Variants in ST3GAL4 observed in about 807,000 individuals in gnomAD.
ST3GAL4 encodes ST3 beta-galactoside alpha-2,3-sialyltransferase 4, also known as CMP-N-acetylneuraminate-beta-galactosamide-alpha-2,3-sialyltransferase 4.
Under a neutral mutation model 42.6 loss-of-function variants are expected in ST3GAL4, and 24 were observed. The ratio of observed to expected loss-of-function variants is 0.56; its 90% CI spans 0.41 to 0.79. The LOEUF is 0.79. Among genes scored for constraint, ST3GAL4 ranks in the 30% least tolerant of loss-of-function variants. ST3GAL4 has a pLI of 0.00. For synonymous variants in ST3GAL4, 135 were observed against 163.2 expected, an observed-to-expected ratio of 0.83 and a Z score of 1.32; for missense variants, 311 against 430.8, an observed-to-expected ratio of 0.72 and a Z score of 2.46.
rs2230278 is a variant in ST3GAL4, at chr11:126,407,321, C to T, written c.252C>T (p.Tyr84=). 0.31 allele frequency: 501,287 copies of T among 1,613,722 alleles called. 79,495 individuals carry two copies. Among genetic ancestry groups the T allele is most frequent in the East Asian group, 0.48 (21,486 of 44,872 alleles). ...DYFWVKTPSA[Y]ELPYGTKGSE... Reference sequence around the variant, plus strand: ...TCTGGGTCAAGACGCCATCTGCTTACGAGCTGCCCTATGGGACCAAGGGGA... The same window carrying T: ...TCTGGGTCAAGACGCCATCTGCTTATGAGCTGCCCTATGGGACCAAGGGGA... The change falls in exon 5 of 11, where the codon TAC becomes TAT. Residue 84 remains tyrosine, a synonymous_variant. Transcript: ENST00000444328.
intron 1 of ST3GAL4, among the ~76,000 whole-genome samples, chr11:126,357,417 G>C (rs1321948895): frequency 1.3e-5 from 2 of 152,190 alleles, no homozygotes; most frequent in Non-Finnish European, 2.9e-5. Context: ...ACTTTGGGCA[G>C]AGTGGGTGTC....
Position 126,369,991 on chromosome 11 carries a change from A to G in ST3GAL4, c.-61+14149A>G, listed in dbSNP as rs114451775. Reference sequence around the variant, plus strand: ...ATCAGCATGCATCGATTTGCATCCTATTTTTCACAGCTGCATAGTGTTTCG... The same window carrying G: ...ATCAGCATGCATCGATTTGCATCCTGTTTTTCACAGCTGCATAGTGTTTCG... On this transcript the variant is annotated intron_variant, in intron 1 of 10. Transcript: ENST00000444328. Among the ~76,000 whole-genome samples, 792 of 152,230 alleles carry G rather than the reference A, an allele frequency of 5.2e-3. 9 individuals carry two copies. The highest frequency in any genetic ancestry group is 0.017 in the African/African-American group (714 of 41,550).
At chr11:126,382,889 G>T (rs1278806532) in intron 1 of ST3GAL4, among the ~76,000 whole-genome samples, 1 of 152,270 alleles carries the variant, frequency 6.6e-6, no homozygotes, top group Non-Finnish European at 1.5e-5. Flanking sequence ...CAGGGCTTGA[G>T]CCCAGAAAGT....
In ST3GAL4 at chr11:126,383,960, G is replaced by A. The variant is rs553960784; in HGVS notation, c.-60-22136G>A. On this transcript the variant is annotated intron_variant, in intron 1 of 10. Transcript: ENST00000444328. This position sits in a 1 kb window ranked among gnomAD's most constrained non-coding sequence, Gnocchi z 4.5. The stretch of plus-strand genomic sequence containing the variant: ...TGGGGACAGGCTGCTGCAGGGTGGA[G>A]GGCTTGCTTTTCCTGCCCACCCTCA... Among the ~76,000 whole-genome samples the A allele has an allele frequency of 1.3e-5, 2 of 152,302 alleles. No homozygotes were observed. Among genetic ancestry groups the A allele is most frequent in the East Asian group, 1.9e-4 (1 of 5,180 alleles).
At position 126,409,367 on chromosome 11, in the gene ST3GAL4, A is replaced by G; in HGVS notation, c.727A>G (p.Lys243Glu). 2.5e-6 allele frequency: 4 copies of G among 1,614,220 alleles called. No homozygotes were observed. The East Asian group carries it at 6.7e-5, about 27-fold the overall frequency. Residue 243 changes from lysine (K) to glutamate (E), a missense_variant, in exon 9 of 11, where the codon AAA becomes GAA. Physicochemically the swap from Lys to Glu is moderately conservative, Grantham distance 56. Coordinates refer to ENST00000444328, the MANE Select transcript of ST3GAL4 (RefSeq NM_001254757.2). This position sits in a 1 kb window ranked among gnomAD's most constrained non-coding sequence, Gnocchi z 4.9. ...NPFFMEIAAD[K>E]LLSLPMQQPR... is the part of the protein sequence containing the mutation. ...CTTCTTCATGGAGATTGCAGCTGAC[A>G]AACTGCTGAGCCTGCCAATGCAACA... is the stretch of plus-strand genomic sequence containing the variant.
At position 126,398,502 on chromosome 11, in the gene ST3GAL4, C is replaced by A. The variant is rs769966395; in HGVS notation, c.-60-7594C>A. 2.0e-5 allele frequency among the ~76,000 whole-genome samples: 3 copies of A among 152,222 alleles called. No homozygotes were observed. Among genetic ancestry groups the A allele is most frequent in the Non-Finnish European group, 4.4e-5 (3 of 68,034 alleles). On this transcript the variant is annotated intron_variant, in intron 1 of 10. Transcript: ENST00000444328. This position sits in a 1 kb window ranked among gnomAD's most constrained non-coding sequence, Gnocchi z 4.7. ...GTTGGAGTCTCATGCTTGCAGCTCC[C>A]CCAGGTTGCTGTTGCACACTGGTAG...
At chr11:126,389,557 A>C (rs1296229936) in intron 1 of ST3GAL4, among the ~76,000 whole-genome samples, 1 of 151,984 alleles carries the variant, frequency 6.6e-6, no homozygotes, top group African/African-American at 2.4e-5. Context: ...TTTAAACATA[A>C]GTTTTTACTT....
chr11:126,398,395 G>A lies in ST3GAL4; in HGVS notation c.-60-7701G>A, dbSNP rs1953866947. 6.6e-6 allele frequency among the ~76,000 whole-genome samples: 1 copy of A among 152,240 alleles called. No individual in the cohort carries two copies. The highest frequency in any genetic ancestry group is 6.5e-5 in the Admixed American group (1 of 15,290). On this transcript the variant is annotated intron_variant, in intron 1 of 10. Coordinates refer to ENST00000444328, the MANE Select transcript of ST3GAL4 (RefSeq NM_001254757.2). The surrounding 1 kb of genome is among the most constrained non-coding windows in gnomAD (Gnocchi z 4.7). ...TGTCCTGCCTTCCAGACACACTCGG[G>A]TAGGGACTTGGGCCCCCAAGGCCTC...
intron 8 of ST3GAL4, 124 bp downstream of exon 8, chr11:126,408,620 G>C: frequency 1.6e-6 from 2 of 1,232,406 alleles, no homozygotes. Flanking sequence ...AGCATGAACC[G>C]GGCTCCCGGA....
Position 126,408,180 on chromosome 11 carries a change from C to T in ST3GAL4, c.423C>T (p.Tyr141=), listed in dbSNP as rs2230279. Residue 141 remains tyrosine (Y), a synonymous_variant, in exon 7 of 11, where the codon TAC becomes TAT. Coordinates refer to ENST00000444328, the MANE Select transcript of ST3GAL4 (RefSeq NM_001254757.2). The part of the protein sequence containing the change: ...NSSLGDAINK[Y]DVVIRLNNAP... ...CACTGGGAGATGCCATCAACAAGTACGATGTGGTCATCAGGTGTGTGTGAC... is the reference window on the plus strand; with the variant it reads ...CACTGGGAGATGCCATCAACAAGTATGATGTGGTCATCAGGTGTGTGTGAC... 498,386 of 1,613,724 alleles carry T rather than the reference C, an allele frequency of 0.31. 78,523 individuals carry two copies. The highest frequency in any genetic ancestry group is 0.47 in the East Asian group (21,281 of 44,840).
chr11:126,373,030 T>C lies in ST3GAL4; in HGVS notation c.-61+17188T>C, dbSNP rs1294021307. ...TCTCATTGTTTCGTGGGAATACTGA[T>C]ATTATATATTCAAGTATTTGTTGAT... On this transcript the variant is annotated intron_variant, in intron 1 of 10. Transcript: ENST00000444328. The surrounding 1 kb of genome is among the most constrained non-coding windows in gnomAD (Gnocchi z 5.5). Among the ~76,000 whole-genome samples the C allele has an allele frequency of 6.6e-6, 1 of 152,234 alleles. No individual in the cohort carries two copies. Among genetic ancestry groups the C allele is most frequent in the Non-Finnish European group, 1.5e-5 (1 of 68,046 alleles).
intron 1 of ST3GAL4, among the ~76,000 whole-genome samples, chr11:126,401,161 C>T (rs955927062): frequency 5.9e-5 from 9 of 151,886 alleles, no homozygotes; most frequent in East Asian, 1.9e-4. Context: ...ATAAAGAGCT[C>T]GAATCATCAG....
chr11:126,414,221 T>C lies in ST3GAL4; in HGVS notation c.*174T>C, dbSNP rs1954647060. 1 of 651,162 alleles carries C rather than the reference T, an allele frequency of 1.5e-6. No individual in the cohort carries two copies. Among genetic ancestry groups the C allele is most frequent in the African/African-American group, 1.8e-5 (1 of 55,746 alleles). The allele number at this position is 651,162 out of a possible 1,614,324, so 40.3% of individuals were successfully genotyped here. ...GAGGCCATGCCCCTGGCTGCTCTTA[T>C]GGAGCCGAGATCCAGTCAGGGTGGG... On this transcript the variant is annotated 3_prime_UTR_variant, in exon 11 of 11. Coordinates refer to ENST00000444328, the MANE Select transcript of ST3GAL4 (RefSeq NM_001254757.2).
chr11:126,380,945 C>T (rs1398620614), intron 1 of ST3GAL4, among the ~76,000 whole-genome samples: 2 of 152,208 alleles, frequency 1.3e-5, no homozygotes, highest in Admixed American at 6.5e-5. Flanking sequence ...TGGGCTGATG[C>T]GTGCATTTCT....
At chr11:126,372,307 A>G (rs1952685006) in intron 1 of ST3GAL4, among the ~76,000 whole-genome samples, 1 of 152,096 alleles carries the variant, frequency 6.6e-6, no homozygotes, top group Non-Finnish European at 1.5e-5. Flanking sequence ...AAGTGGAATG[A>G]TACAGTATTT....
intron 9 of ST3GAL4, among the ~76,000 whole-genome samples, chr11:126,412,678 T>TA (rs1565430449): frequency 1.3e-5 from 2 of 152,222 alleles, no homozygotes; most frequent in East Asian, 3.9e-4. Context: ...CCCATCTCTT[T>TA]AAAAAAATAG....
At position 126,396,644 on chromosome 11, in the gene ST3GAL4, G is replaced by A. The variant is rs1953779162; in HGVS notation, c.-60-9452G>A. The stretch of plus-strand genomic sequence containing the variant: ...CTTGAGACCCCTTCCCCTAATTGCT[G>A]TGTAGGGCAGGGGTGGACATCCCGG... On this transcript the variant is annotated intron_variant, in intron 1 of 10. Coordinates refer to ENST00000444328, the MANE Select transcript of ST3GAL4 (RefSeq NM_001254757.2). The surrounding 1 kb of genome is among the most constrained non-coding windows in gnomAD (Gnocchi z 5.8). Among the ~76,000 whole-genome samples the A allele has an allele frequency of 6.6e-6, 1 of 151,662 alleles. No homozygotes were observed.
rs1011767306 is a variant in ST3GAL4 at position 126,384,058 on chromosome 11, G to A, written c.-60-22038G>A. 1.3e-5 allele frequency among the ~76,000 whole-genome samples: 2 copies of A among 152,212 alleles called. No individual in the cohort carries two copies. Among genetic ancestry groups the A allele is most frequent in the African/African-American group, 4.8e-5 (2 of 41,452 alleles). ...AATGCAGGGCCCTCTCCTCTGGCGAGCCTGCCTTGATACTCCCCGGCTCAA... is the reference window on the plus strand; with the variant it reads ...AATGCAGGGCCCTCTCCTCTGGCGAACCTGCCTTGATACTCCCCGGCTCAA... On this transcript the variant is annotated intron_variant, in intron 1 of 10. Coordinates refer to ENST00000444328, the MANE Select transcript of ST3GAL4 (RefSeq NM_001254757.2). The surrounding 1 kb of genome is among the most constrained non-coding windows in gnomAD (Gnocchi z 5.5).
At chr11:126,388,181 C>A (rs1352622467) in intron 1 of ST3GAL4, among the ~76,000 whole-genome samples, 1 of 152,166 alleles carries the variant, frequency 6.6e-6, no homozygotes, top group Non-Finnish European at 1.5e-5. Context: ...GAGCTCAGGT[C>A]CCTCGTGTTT....
Sources: gnomAD v4.1 joint callset for allele counts (sites outside exome capture counted in the v4.1 genomes callset) on GRCh38, gnomAD v4.1.1 for gene constraint, Gnocchi (gnomAD v3.1) non-coding constraint, MANE v1.5 for transcripts, NCBI Gene and HGNC (gene_info 2026-07-23, HGNC 2026-07-21) for gene names.